Variants in FBXO33 observed in about 807,000 individuals in gnomAD.
The protein encoded by FBXO33 is F-box protein 33.
A neutral mutation model predicts 46.3 loss-of-function variants in FBXO33; 22 were observed. The ratio of observed to expected loss-of-function variants is 0.48; its 90% CI spans 0.34 to 0.68. The LOEUF (loss-of-function observed/expected upper bound fraction) is 0.68. Ranked by LOEUF, FBXO33 falls within the 30% of genes least tolerant of loss-of-function variation. The pLI, the probability that FBXO33 is intolerant of heterozygous loss-of-function variation, is 0.01. For missense variants in FBXO33, 692 were observed against 708.8 expected (o/e 0.98, Z 0.27); for synonymous variants, 337 against 291.3 (o/e 1.16, Z -1.60).
In FBXO33 at chr14:39,401,800, C is replaced by G. The variant is rs201684312; in HGVS notation, c.772G>C (p.Gly258Arg). The G allele has an allele frequency of 9.7e-5, 157 of 1,614,096 alleles. No individual in the cohort carries two copies. The East Asian group carries it at 3.1e-3, about 32-fold the overall frequency. Residue 258 changes from glycine to arginine, a missense_variant, in exon 3 of 4, where the codon GGG becomes CGG. This residue lies in a region of FBXO33 where 412 missense variants were observed against 370.8 expected (regional missense o/e 1.11). Coordinates refer to ENST00000298097, the MANE Select transcript of FBXO33 (RefSeq NM_203301.4). ...GGGGTTACTATTTCCAGCATAAACC[C>G]ACAGGACAGCCATTTCAGTTGCCTA... ...NSRQLKWLSCGFMLEIVTPTS... is the reference protein window; with the variant it reads ...NSRQLKWLSCRFMLEIVTPTS...
At chr14:39,429,759 T>C (rs559683843) in intron 1 of FBXO33, among the ~76,000 whole-genome samples, 49 of 152,282 alleles carry the variant, frequency 3.2e-4, no homozygotes, top group African/African-American at 1.2e-3. Context: ...TGTTTTTGCA[T>C]AGAAGTGATA....
intron 1 of FBXO33, among the ~76,000 whole-genome samples, chr14:39,426,144 T>TA (rs1235613339): frequency 1.3e-5 from 2 of 151,956 alleles, no homozygotes; most frequent in African/African-American, 2.4e-5. Context: ...TTTATTTATT[T>TA]TTTATTTTAT....
chr14:39,432,217 G>C lies in FBXO33; in HGVS notation c.-55C>G, dbSNP rs1011645082. ...TCGTGGGTCTCGGCGGAACCAAGTA[G>C]AACACAAGTTGTGGAGAGGGGGAAA... On this transcript the variant is annotated 5_prime_UTR_variant, in exon 1 of 4. Coordinates refer to ENST00000298097, the MANE Select transcript of FBXO33 (RefSeq NM_203301.4). 1 of 1,181,680 alleles carries C rather than the reference G, an allele frequency of 8.5e-7. No individual in the cohort carries two copies. The highest frequency in any genetic ancestry group is 1.0e-6 in the Non-Finnish European group (1 of 953,052). 73.2% of individuals were successfully genotyped at this position (1,181,680 alleles called of 1,614,324 possible).
chr14:39,416,530 T>C (rs1267259023), intron 1 of FBXO33, among the ~76,000 whole-genome samples: 5 of 152,146 alleles, frequency 3.3e-5, no homozygotes, highest in African/African-American at 1.2e-4. Context: ...CTCCTTTTCA[T>C]TCTTTTTATT....
rs1411554118 is a variant in FBXO33 at position 39,398,772 on chromosome 14, CT to C, written c.*743del. 1.3e-5 allele frequency: 2 copies of C among 152,560 alleles called. No homozygotes were observed. The highest frequency in any genetic ancestry group is 2.4e-5 in the African/African-American group (1 of 41,442). The allele number at this position is 152,560 out of a possible 1,614,324, so 9.5% of individuals were successfully genotyped here. A position where few individuals can be genotyped will look rare whatever the true frequency, so the allele number is the denominator to read the frequency against. ...TTTATTTCCTTTAGGAGATTTTACT[CT>C]GAAATACAGTTTCTTTCTTCCCCCA... On this transcript the variant is annotated 3_prime_UTR_variant, in exon 4 of 4. Transcript: ENST00000298097.
intron 1 of FBXO33, among the ~76,000 whole-genome samples, chr14:39,406,737 A>G (rs2075400670): frequency 6.6e-6 from 1 of 152,232 alleles, no homozygotes; most frequent in African/African-American, 2.4e-5. Flanking sequence ...AATGATTTGT[A>G]CATGTGTTGG....
At chr14:39,414,239 A>C (rs1334309569) in intron 1 of FBXO33, among the ~76,000 whole-genome samples, 1 of 152,196 alleles carries the variant, frequency 6.6e-6, no homozygotes, top group East Asian at 1.9e-4. Flanking sequence ...AAACCTCATG[A>C]ACCAACCTCT....
intron 1 of FBXO33, among the ~76,000 whole-genome samples, 187 bp from the exon 2 acceptor site, chr14:39,402,698 T>G (rs1478194841): frequency 1.3e-5 from 2 of 148,720 alleles, no homozygotes; most frequent in Admixed American, 6.7e-5. Context: ...TTTTTTTTTT[T>G]TTGAGACGGA....
At chr14:39,424,332 T>C (rs775145006) in intron 1 of FBXO33, among the ~76,000 whole-genome samples, 1 of 152,210 alleles carries the variant, frequency 6.6e-6, no homozygotes, top group Non-Finnish European at 1.5e-5. Flanking sequence ...TAGCATATAT[T>C]ACCAACTGAG....
intron 1 of FBXO33, among the ~76,000 whole-genome samples, chr14:39,407,809 C>T (rs2075405858): frequency 6.6e-6 from 1 of 152,098 alleles, no homozygotes; most frequent in Non-Finnish European, 1.5e-5. Context: ...GTATACATAT[C>T]CAGAAATATT....
chr14:39,432,319 C>A lies in FBXO33; in HGVS notation c.-157G>T, dbSNP rs908177229. 2.1e-6 allele frequency: 1 copy of A among 480,830 alleles called. No homozygotes were observed. The highest frequency in any genetic ancestry group is 4.6e-5 in the East Asian group (1 of 21,872). The allele number at this position is 480,830 out of a possible 1,614,324, so 29.8% of individuals were successfully genotyped here. A position where few individuals can be genotyped will look rare whatever the true frequency, so the allele number is the denominator to read the frequency against. On this transcript the variant is annotated 5_prime_UTR_variant, in exon 1 of 4. Coordinates refer to ENST00000298097, the MANE Select transcript of FBXO33 (RefSeq NM_203301.4). ...TACTCACGTGCGTCCGAGGCCGGCA[C>A]ACTGAGTAACTGCACTGCCCTCGCT...
rs1424342993 is a variant in FBXO33 at position 39,413,766 on chromosome 14, C to T, written c.600-11255G>A. 3.3e-5 allele frequency among the ~76,000 whole-genome samples: 5 copies of T among 152,258 alleles called. No individual in the cohort carries two copies. The East Asian group carries it at 9.7e-4, about 29-fold the overall frequency. On this transcript the variant is annotated intron_variant, in intron 1 of 3. Coordinates refer to ENST00000298097, the MANE Select transcript of FBXO33 (RefSeq NM_203301.4). Reference sequence around the variant, plus strand: ...GCTCTTGAGTGACCATGTACATTGTCGATGAGATGTAATTTTAAAAGGAAC... The same window carrying T: ...GCTCTTGAGTGACCATGTACATTGTTGATGAGATGTAATTTTAAAAGGAAC...
rs1289718336 is a variant in FBXO33, at chr14:39,399,797, A to C, written c.1397-10T>G. 6.5e-7 allele frequency: 1 copy of C among 1,537,226 alleles called. No individual in the cohort carries two copies. The highest frequency in any genetic ancestry group is 1.2e-5 in the South Asian group (1 of 80,840). ...GCCCACACCGTGTAACCTGAAAAAT[A>C]AACAAAAGACAACACTGTAATTTCC... On this transcript the variant is annotated splice_polypyrimidine_tract_variant and intron_variant, in intron 3 of 3. Coordinates refer to ENST00000298097, the MANE Select transcript of FBXO33 (RefSeq NM_203301.4).
chr14:39,401,019 A>C (rs2075366099), intron 3 of FBXO33, among the ~76,000 whole-genome samples, 157 bp downstream of exon 3: 1 of 152,214 alleles, frequency 6.6e-6, no homozygotes, highest in Admixed American at 6.5e-5. Flanking sequence ...TCCTTTTGTA[A>C]GTGATATATC....
At chr14:39,428,147 T>C (rs963077390) in intron 1 of FBXO33, among the ~76,000 whole-genome samples, 2 of 152,184 alleles carry the variant, frequency 1.3e-5, no homozygotes, top group Admixed American at 1.3e-4. Context: ...ACCCAGAATC[T>C]TAAAAAGAAA....
chr14:39,399,593 T>C lies in FBXO33; in HGVS notation c.1591A>G (p.Ile531Val). Residue 531 changes from isoleucine (I) to valine (V), a missense_variant, in exon 4 of 4, where the codon ATC becomes GTC. Physicochemically the swap from Ile to Val is conservative, Grantham distance 29. Transcript: ENST00000298097. ...TCAGTGAAGACACTGAGTGATTCGA[T>C]GTCCATGACTGCATGCCAAGGTTGA... ...LGQPWHAVMD[I>V]ESLSVFTEPN... is the part of the protein sequence containing the mutation. 1.9e-6 allele frequency: 3 copies of C among 1,613,792 alleles called. No homozygotes were observed. The highest frequency in any genetic ancestry group is 2.5e-6 in the Non-Finnish European group (3 of 1,179,876).
intron 1 of FBXO33, among the ~76,000 whole-genome samples, chr14:39,409,060 AT>A (rs2139406738): frequency 6.6e-6 from 1 of 151,624 alleles, no homozygotes; most frequent in Non-Finnish European, 1.5e-5. Context: ...AATTTTGCTG[AT>A]TGTTTCCTTT....
intron 1 of FBXO33, among the ~76,000 whole-genome samples, chr14:39,405,495 TG>T (rs55908351): frequency 2.0e-5 from 3 of 151,706 alleles, no homozygotes; most frequent in African/African-American, 7.3e-5. Context: ...GGGAATTTTT[TG>T]GGGGGGTGTG....
Position 39,399,504 on chromosome 14 carries a change from A to G in FBXO33, c.*12T>C, listed in dbSNP as rs2075358639. On this transcript the variant is annotated 3_prime_UTR_variant, in exon 4 of 4. Coordinates refer to ENST00000298097, the MANE Select transcript of FBXO33 (RefSeq NM_203301.4). ...GCATATGTAACCACAGGAATTCTAC[A>G]TTAAAAAAAAGCTAAATGTCTTCAC... The G allele has an allele frequency of 1.9e-6, 3 of 1,599,482 alleles. No homozygotes were observed. The highest frequency in any genetic ancestry group is 2.6e-6 in the Non-Finnish European group (3 of 1,171,744).
Sources: gnomAD v4.1 joint callset for allele counts (sites outside exome capture counted in the v4.1 genomes callset) on GRCh38, gnomAD v4.1.1 for gene constraint, gnomAD v4.1.1 regional missense constraint, MANE v1.5 for transcripts, NCBI Gene and HGNC (gene_info 2026-07-23, HGNC 2026-07-21) for gene names.